Variants in KIF13A observed in about 807,000 individuals in gnomAD.
KIF13A encodes the protein kinesin-like protein KIF13A.
In KIF13A, 79 loss-of-function variants were observed where a neutral mutation model predicts 212.2. The ratio of observed to expected loss-of-function variants is 0.37; its 90% CI spans 0.31 to 0.45. KIF13A has a LOEUF of 0.45. KIF13A is among the 20% of genes least tolerant of loss of function. The pLI, the probability that KIF13A is intolerant of heterozygous loss-of-function variation, is 1.00. For synonymous variants in KIF13A, 789 were observed against 808.6 expected (o/e 0.98, Z 0.41); for missense variants, 1,901 against 2,209.0 (o/e 0.86, Z 2.79).
chr6:17,777,135 C>T lies in KIF13A; in HGVS notation c.4170+142G>A. The T allele has an allele frequency of 3.0e-6, 2 of 674,420 alleles. No homozygotes were observed. Among genetic ancestry groups the T allele is most frequent in the South Asian group, 1.7e-5 (1 of 59,072 alleles). The allele number at this position is 674,420 out of a possible 1,614,324, so 41.8% of individuals were successfully genotyped here. A position where few individuals can be genotyped will look rare whatever the true frequency, so the allele number is the denominator to read the frequency against. On this transcript the variant is annotated intron_variant, in intron 34 of 38. Transcript: ENST00000259711. This position sits in a 1 kb window ranked among gnomAD's most constrained non-coding sequence, Gnocchi z 4.4. ...CAACTGTGCTGCCTGGTGTGTGTCC[C>T]TGGTACAGAGAAGCAGGCTACACTT...
At chr6:17,922,190 C>A (rs1309556163) in intron 2 of KIF13A, among the ~76,000 whole-genome samples, 1 of 152,106 alleles carries the variant, frequency 6.6e-6, no homozygotes, top group Non-Finnish European at 1.5e-5. Context: ...AGCTAACAGC[C>A]CCTGCAAAAG....
In KIF13A at chr6:17,799,523, G is replaced by A. The variant is rs934541597; in HGVS notation, c.2617-84C>T. The A allele has an allele frequency of 1.0e-4, 117 of 1,164,760 alleles. No individual in the cohort carries two copies. The highest frequency in any genetic ancestry group is 9.6e-4 in the East Asian group (37 of 38,482). 72.2% of individuals were successfully genotyped at this position (1,164,760 alleles called of 1,614,324 possible). On this transcript the variant is annotated intron_variant, in intron 21 of 38. Transcript: ENST00000259711. This position sits in a 1 kb window ranked among gnomAD's most constrained non-coding sequence, Gnocchi z 4.4. ...AGCTACCTCAAATTTAAGAGTAAGCGATGAAACAAATTGGTCATCCATTTG... is the reference window on the plus strand; with the variant it reads ...AGCTACCTCAAATTTAAGAGTAAGCAATGAAACAAATTGGTCATCCATTTG...
chr6:17,940,817 ATTT>A (rs11325656), intron 2 of KIF13A, among the ~76,000 whole-genome samples: 3 of 140,508 alleles, frequency 2.1e-5, no homozygotes, highest in African/African-American at 5.3e-5. Context: ...ATGTAAATTT[ATTT>A]TTTTTTTTTT....
At chr6:17,842,011 G>C (rs990313292) in intron 9 of KIF13A, among the ~76,000 whole-genome samples, 1 of 149,528 alleles carries the variant, frequency 6.7e-6, no homozygotes, top group South Asian at 2.1e-4. Flanking sequence ...GTGTGTGTGT[G>C]TGTGTGTGTG....
At chr6:17,853,208 A>G (rs1305432730) in intron 6 of KIF13A, among the ~76,000 whole-genome samples, 1 of 151,988 alleles carries the variant, frequency 6.6e-6, no homozygotes, top group Non-Finnish European at 1.5e-5. Flanking sequence ...AGGCTTTACC[A>G]CCTTTATTTT....
At chr6:17,866,673 T>A (rs915348381) in intron 4 of KIF13A, among the ~76,000 whole-genome samples, 1 of 151,798 alleles carries the variant, frequency 6.6e-6, no homozygotes, top group Admixed American at 6.6e-5. Flanking sequence ...CTATTGCTAT[T>A]GTTATTCACC....
At chr6:17,792,972 G>C (rs1248517104) in intron 25 of KIF13A, among the ~76,000 whole-genome samples, 1 of 152,204 alleles carries the variant, frequency 6.6e-6, no homozygotes, top group Non-Finnish European at 1.5e-5. Context: ...ATGACGGTGA[G>C]GGAGGCAGAT....
chr6:17,987,077 A>C lies in KIF13A; in HGVS notation c.123T>G (p.Pro41=). The change falls in exon 2 of 39, where the codon CCT becomes CCG. Residue 41 remains proline (P), a synonymous_variant. Coordinates refer to ENST00000259711, the MANE Select transcript of KIF13A (RefSeq NM_022113.6). This position sits in a 1 kb window ranked among gnomAD's most constrained non-coding sequence, Gnocchi z 7.7. ...EGNQTVLHPP[P]SNTKQGERKP... ...ACCTTTCTCCCTGTTTGGTGTTAGA[A>C]GGAGGAGGGTGCAGGACCGTTTGAT... 1.2e-6 allele frequency: 2 copies of C among 1,612,754 alleles called. No homozygotes were observed. The highest frequency in any genetic ancestry group is 1.7e-6 in the Non-Finnish European group (2 of 1,179,528).
At chr6:17,937,937 T>C (rs1776621774) in intron 2 of KIF13A, among the ~76,000 whole-genome samples, 1 of 152,042 alleles carries the variant, frequency 6.6e-6, no homozygotes, top group African/African-American at 2.4e-5. Flanking sequence ...TTAGTAGAGA[T>C]GAAGTTTCAC....
Position 17,783,560 on chromosome 6 carries a change from T to C in KIF13A, c.3544+86A>G. On this transcript the variant is annotated intron_variant, in intron 29 of 38. Coordinates refer to ENST00000259711, the MANE Select transcript of KIF13A (RefSeq NM_022113.6). The surrounding 1 kb of genome is among the most constrained non-coding windows in gnomAD (Gnocchi z 4.3). ...GGCACATGAATGATTAGAAGAGTGA[T>C]TTAAGGATCAAAATAATGTGAATCT... 2 of 933,632 alleles carry C rather than the reference T, an allele frequency of 2.1e-6. No individual in the cohort carries two copies. Among genetic ancestry groups the C allele is most frequent in the Non-Finnish European group, 3.4e-6 (2 of 590,638 alleles). 57.8% of individuals were successfully genotyped at this position (933,632 alleles called of 1,614,324 possible).
intron 2 of KIF13A, among the ~76,000 whole-genome samples, chr6:17,901,640 C>T (rs1773067532): frequency 6.6e-6 from 1 of 152,202 alleles, no homozygotes; most frequent in Non-Finnish European, 1.5e-5. Context: ...AAAGCTTTCC[C>T]TTCATGCCCC....
Position 17,856,008 on chromosome 6 carries a change from G to T in KIF13A, c.313+22C>A, listed in dbSNP as rs750744191. ...TTATAGGCATGATCCCCCACATCTG[G>T]TCTATAAAAGCAACTTCTTACCTGT... On this transcript the variant is annotated intron_variant, in intron 5 of 38. Coordinates refer to ENST00000259711, the MANE Select transcript of KIF13A (RefSeq NM_022113.6). This position sits in a 1 kb window ranked among gnomAD's most constrained non-coding sequence, Gnocchi z 4.5. 7 of 1,508,992 alleles carry T rather than the reference G, an allele frequency of 4.6e-6. No individual in the cohort carries two copies. The East Asian group carries it at 1.4e-4, about 29-fold the overall frequency. 93.5% of individuals were successfully genotyped at this position (1,508,992 alleles called of 1,614,324 possible).
chr6:17,825,661 T>C lies in KIF13A; in HGVS notation c.1786+107A>G, dbSNP rs1764904812. ...TTAAAGAAATGAGCAGTTTTATGTG[T>C]TTAAAATGTGGAATGCGGAATGACA... is the stretch of plus-strand genomic sequence containing the variant. On this transcript the variant is annotated intron_variant, in intron 16 of 38. Coordinates refer to ENST00000259711, the MANE Select transcript of KIF13A (RefSeq NM_022113.6). This position sits in a 1 kb window ranked among gnomAD's most constrained non-coding sequence, Gnocchi z 4.5. 1 of 1,074,754 alleles carries C rather than the reference T, an allele frequency of 9.3e-7. No individual in the cohort carries two copies. Among genetic ancestry groups the C allele is most frequent in the South Asian group, 1.6e-5 (1 of 63,870 alleles). The allele number at this position is 1,074,754 out of a possible 1,614,324, so 66.6% of individuals were successfully genotyped here. A position where few individuals can be genotyped will look rare whatever the true frequency, so the allele number is the denominator to read the frequency against.
chr6:17,831,856 A>AGG (rs1362939290), intron 12 of KIF13A, among the ~76,000 whole-genome samples: 1 of 151,598 alleles, frequency 6.6e-6, no homozygotes, highest in Non-Finnish European at 1.5e-5. Flanking sequence ...TATATTTATT[A>AGG]GAGTCTACAA....
Position 17,764,363 on chromosome 6 carries a change from G to T in KIF13A, c.5165C>A (p.Thr1722Lys), listed in dbSNP as rs780742333. ...AAGGATGTTGGTGGTGTGTTCTACC[G>T]TCACCTCCCTGGGGCAGAATCCCCT... is the stretch of plus-strand genomic sequence containing the variant. ...PARGFCPREV[T>K]VEHTTNILED... Residue 1722 changes from threonine to lysine, a missense_variant, in exon 39 of 39, where the codon ACG (threonine) becomes AAG (lysine). Coordinates refer to ENST00000259711, the MANE Select transcript of KIF13A (RefSeq NM_022113.6). This position sits in a 1 kb window ranked among gnomAD's most constrained non-coding sequence, Gnocchi z 5.1. 8.5e-5 allele frequency: 137 copies of T among 1,613,822 alleles called. No homozygotes were observed. The highest frequency in any genetic ancestry group is 9.9e-5 in the Non-Finnish European group (117 of 1,179,894).
intron 7 of KIF13A, 22 bp downstream of exon 7, chr6:17,851,933 C>T: frequency 5.3e-6 from 7 of 1,324,218 alleles, no homozygotes; most frequent in Non-Finnish European, 7.1e-6. Context: ...CTTTTAATCA[C>T]ATTTTAAAAA....
intron 33 of KIF13A, among the ~76,000 whole-genome samples, chr6:17,778,020 T>A (rs1760158199): frequency 6.6e-6 from 1 of 151,936 alleles, no homozygotes; most frequent in African/African-American, 2.4e-5. Context: ...TGCCTGTGGT[T>A]CCAGCTATCT....
In KIF13A at chr6:17,777,145, G is replaced by C. The variant is rs1760059132; in HGVS notation, c.4170+132C>G. The C allele has an allele frequency of 2.8e-6, 2 of 702,334 alleles. No homozygotes were observed. The highest frequency in any genetic ancestry group is 5.1e-6 in the Non-Finnish European group (2 of 389,738). The allele number at this position is 702,334 out of a possible 1,614,324, so 43.5% of individuals were successfully genotyped here. A position where few individuals can be genotyped will look rare whatever the true frequency, so the allele number is the denominator to read the frequency against. ...GCCTGGTGTGTGTCCCTGGTACAGA[G>C]AAGCAGGCTACACTTTGGGATGCCC... is the stretch of plus-strand genomic sequence containing the variant. On this transcript the variant is annotated intron_variant, in intron 34 of 38. Coordinates refer to ENST00000259711, the MANE Select transcript of KIF13A (RefSeq NM_022113.6). This position sits in a 1 kb window ranked among gnomAD's most constrained non-coding sequence, Gnocchi z 4.4.
chr6:17,925,324 A>C (rs1775410223), intron 2 of KIF13A, among the ~76,000 whole-genome samples: 1 of 152,246 alleles, frequency 6.6e-6, no homozygotes, highest in South Asian at 2.1e-4. Context: ...AGCGGGAGGA[A>C]GAATAGGGTT....
Sources: gnomAD v4.1 joint callset for allele counts (sites outside exome capture counted in the v4.1 genomes callset) on GRCh38, gnomAD v4.1.1 for gene constraint, Gnocchi (gnomAD v3.1) non-coding constraint, MANE v1.5 for transcripts, NCBI Gene and HGNC (gene_info 2026-07-23, HGNC 2026-07-21) for gene names.